FAF1: variants seen among roughly 807,000 people sequenced by gnomAD.
FAF1 encodes FAS-associated factor 1.
In FAF1, 25 loss-of-function variants were observed where a neutral mutation model predicts 92.5. The ratio of observed to expected loss-of-function variants is 0.27; its 90% CI spans 0.20 to 0.38. The LOEUF (loss-of-function observed/expected upper bound fraction) is 0.38. FAF1 is among the 10% of genes least tolerant of loss of function. FAF1 has a pLI of 1.00. For missense variants in FAF1, 636 were observed against 793.3 expected (o/e 0.80, Z 2.38); for synonymous variants, 234 against 273.2 (o/e 0.86, Z 1.42).
chr1:50,652,846 T>C (rs568739143), intron 8 of FAF1, among the ~76,000 whole-genome samples: 2 of 152,338 alleles, frequency 1.3e-5, no homozygotes, highest in South Asian at 4.1e-4. Flanking sequence ...GCAGTTATCT[T>C]AATTATAATG....
chr1:50,608,982 A>G (rs1423720525), intron 8 of FAF1, among the ~76,000 whole-genome samples: 1 of 152,236 alleles, frequency 6.6e-6, no homozygotes, highest in East Asian at 1.9e-4. Context: ...ATATCTATCT[A>G]TGCTTGACTG....
At chr1:50,752,411 C>T (rs1659903634) in intron 4 of FAF1, among the ~76,000 whole-genome samples, 1 of 152,102 alleles carries the variant, frequency 6.6e-6, no homozygotes, top group Non-Finnish European at 1.5e-5. Context: ...TGTAAATTTA[C>T]CAGCATAAGT....
intron 6 of FAF1, among the ~76,000 whole-genome samples, chr1:50,734,265 T>G (rs1427607189): frequency 1.3e-5 from 2 of 152,214 alleles, no homozygotes; most frequent in East Asian, 3.8e-4. Flanking sequence ...ATTTCTTCAT[T>G]TCTTGTTTAT....
chr1:50,768,789 TAAGAG>T (rs1242675304), intron 4 of FAF1, among the ~76,000 whole-genome samples: 1 of 152,020 alleles, frequency 6.6e-6, no homozygotes, highest in Non-Finnish European at 1.5e-5. Context: ...TAAGCAGTGT[TAAGAG>T]AAAAGTTTAT....
At chr1:50,734,760 A>T (rs1449492378) in intron 6 of FAF1, among the ~76,000 whole-genome samples, 1 of 151,940 alleles carries the variant, frequency 6.6e-6, no homozygotes, top group East Asian at 1.9e-4. Context: ...AAAAAGAAAA[A>T]CACATGTAGT....
rs775131508 is a variant in FAF1 at position 50,490,628 on chromosome 1, C to T, written c.1613G>A (p.Arg538His). The change falls in exon 17 of 19, where the codon CGT (arginine) becomes CAT (histidine). Residue 538 changes from arginine to histidine, a missense_variant. Transcript: ENST00000396153. ...AHEREMAEQFRLEQIRKEQEE... is the reference protein window; with the variant it reads ...AHEREMAEQFHLEQIRKEQEE... ...TTGTTCTTTGCGAATCTGCTCCAAACGAAACTGTTCTGCCATCTCTCTCTC... is the reference window on the plus strand; with the variant it reads ...TTGTTCTTTGCGAATCTGCTCCAAATGAAACTGTTCTGCCATCTCTCTCTC... The T allele has an allele frequency of 9.9e-6, 16 of 1,613,148 alleles. No individual in the cohort carries two copies. The highest frequency in any genetic ancestry group is 3.3e-5 in the South Asian group (3 of 91,058).
chr1:50,455,025 C>T (rs1646335302), intron 18 of FAF1, among the ~76,000 whole-genome samples: 1 of 152,238 alleles, frequency 6.6e-6, no homozygotes, highest in Non-Finnish European at 1.5e-5. Context: ...TCTAGAGGAG[C>T]TGCATCCTCA....
chr1:50,812,198 A>G (rs1417328686), intron 2 of FAF1, among the ~76,000 whole-genome samples: 1 of 152,220 alleles, frequency 6.6e-6, no homozygotes, highest in Non-Finnish European at 1.5e-5. Flanking sequence ...ACAAAAAATG[A>G]CCAATGAGAC....
At chr1:50,905,373 G>C (rs1250756309) in intron 1 of FAF1, among the ~76,000 whole-genome samples, 1 of 152,192 alleles carries the variant, frequency 6.6e-6, no homozygotes, top group South Asian at 2.1e-4. Flanking sequence ...AAAGCATCAT[G>C]ATTCATAATC....
At chr1:50,532,178 C>A (rs918724740) in intron 15 of FAF1, among the ~76,000 whole-genome samples, 1 of 152,070 alleles carries the variant, frequency 6.6e-6, no homozygotes, top group Non-Finnish European at 1.5e-5. Context: ...ACTCTAAAAA[C>A]AAAGAGAAAT....
At chr1:50,918,867 T>G (rs1644941051) in intron 1 of FAF1, among the ~76,000 whole-genome samples, 1 of 149,706 alleles carries the variant, frequency 6.7e-6, no homozygotes, top group Non-Finnish European at 1.5e-5. Flanking sequence ...GTTTCCTGAC[T>G]TTTTAATGAT....
intron 8 of FAF1, among the ~76,000 whole-genome samples, chr1:50,637,060 C>T (rs1215449147): frequency 6.6e-6 from 1 of 152,000 alleles, no homozygotes; most frequent in African/African-American, 2.4e-5. Flanking sequence ...TCTGTCTTTA[C>T]ACAAATATCA....
At chr1:50,662,385 A>G (rs1261772753) in intron 7 of FAF1, among the ~76,000 whole-genome samples, 1 of 152,164 alleles carries the variant, frequency 6.6e-6, no homozygotes, top group Non-Finnish European at 1.5e-5. Flanking sequence ...ACTTATTTCA[A>G]CTCTTACTTG....
At position 50,500,315 on chromosome 1, in the gene FAF1, G is replaced by GA. The variant is rs1052668543; in HGVS notation, c.1495-8515dup. ...TCTGTATGGTACTGTTGTAAAGACA[G>GA]AAAAAAAATGGAAAAAAAATAAAGT... is the stretch of plus-strand genomic sequence containing the variant. On this transcript the variant is annotated intron_variant, in intron 15 of 18. Coordinates refer to ENST00000396153, the MANE Select transcript of FAF1 (RefSeq NM_007051.3). Among the ~76,000 whole-genome samples, 225 of 151,526 alleles carry GA rather than the reference G, an allele frequency of 1.5e-3. 3 individuals are homozygous for GA. Among genetic ancestry groups the GA allele is most frequent in the African/African-American group, 5.0e-3 (208 of 41,368 alleles).
At position 50,519,111 on chromosome 1, in the gene FAF1, C is replaced by T. The variant is rs117193805; in HGVS notation, c.1494+16258G>A. Among the ~76,000 whole-genome samples the T allele has an allele frequency of 1.9e-3, 285 of 152,160 alleles. 12 individuals carry two copies. In the East Asian group the frequency reaches 0.043, roughly 23 times the overall value. The stretch of plus-strand genomic sequence containing the variant: ...CTTTGGGAGGCCGAGGTGCGAGAAT[C>T]ACGAGGTCAGGTGTTTGAGACCAGC... On this transcript the variant is annotated intron_variant, in intron 15 of 18. Coordinates refer to ENST00000396153, the MANE Select transcript of FAF1 (RefSeq NM_007051.3).
intron 6 of FAF1, among the ~76,000 whole-genome samples, chr1:50,729,045 TATATATATATATA>T (rs1658795579): frequency 8.4e-5 from 7 of 83,286 alleles, no homozygotes; most frequent in African/African-American, 3.8e-4. Context: ...TATATATATA[TATATATATATATA>T]TTTTTTTTTT....
chr1:50,799,932 G>C (rs189162594), intron 3 of FAF1, among the ~76,000 whole-genome samples: 3 of 152,196 alleles, frequency 2.0e-5, no homozygotes, highest in Admixed American at 2.0e-4. Flanking sequence ...GGAATTTTCA[G>C]TTATGTTAAA....
intron 13 of FAF1, among the ~76,000 whole-genome samples, chr1:50,554,390 T>TATCTAGAG: frequency 1.1e-5 from 1 of 93,706 alleles, no homozygotes; most frequent in Non-Finnish European, 2.0e-5. Context: ...TATATATATA[T>TATCTAGAG]AGAGAGAGAG....
intron 2 of FAF1, among the ~76,000 whole-genome samples, chr1:50,842,755 A>G (rs540615904): frequency 6.6e-5 from 10 of 152,208 alleles, no homozygotes; most frequent in African/African-American, 2.4e-4. Flanking sequence ...CTGACTCTAC[A>G]ATATAAAATA....
Sources: allele counts gnomAD v4.1 joint callset (sites outside exome capture counted in the v4.1 genomes callset), GRCh38; gene constraint gnomAD v4.1.1; transcripts MANE v1.5; gene names NCBI Gene and HGNC (gene_info 2026-07-23, HGNC 2026-07-21).